CCDC146: variants seen among roughly 807,000 people sequenced by gnomAD.
CCDC146 encodes coiled-coil domain containing 146.
In CCDC146, 92 loss-of-function variants were observed where a neutral mutation model predicts 119.3. The observed-to-expected ratio is 0.77, with a 90% confidence interval of 0.65 to 0.92. The LOEUF (loss-of-function observed/expected upper bound fraction) is 0.92. Among genes scored for constraint, CCDC146 ranks in the 40% least tolerant of loss-of-function variants. CCDC146 has a pLI of 0.00. For missense variants in CCDC146, 1,000 were observed against 1,103.0 expected, an observed-to-expected ratio of 0.91 and a Z score of 1.32; for synonymous variants, 372 against 371.8, an observed-to-expected ratio of 1.00 and a Z score of -0.01.
intron 6 of CCDC146, among the ~76,000 whole-genome samples, chr7:77,256,933 G>T (rs1487044524): frequency 6.6e-6 from 1 of 152,100 alleles, no homozygotes. Flanking sequence ...GTGAAACCCT[G>T]TCTCTACTAA....
intron 2 of CCDC146, among the ~76,000 whole-genome samples, chr7:77,174,597 G>T (rs1320297993): frequency 6.6e-6 from 1 of 152,112 alleles, no homozygotes; most frequent in African/African-American, 2.4e-5. Context: ...ATGTTACCAT[G>T]GCAACAGTAA....
At chr7:77,166,935 A>G (rs539801624) in intron 1 of CCDC146, among the ~76,000 whole-genome samples, 90 of 152,320 alleles carry the variant, frequency 5.9e-4, no homozygotes, top group African/African-American at 2.1e-3. Flanking sequence ...TTTGGTTTTG[A>G]ACAAACTTTC....
intron 2 of CCDC146, among the ~76,000 whole-genome samples, chr7:77,193,187 T>G (rs1158170281): frequency 1.3e-5 from 2 of 152,208 alleles, no homozygotes; most frequent in African/African-American, 4.8e-5. Flanking sequence ...AAAATGAAAC[T>G]GAAACTTTTG....
chr7:77,220,925 A>G lies in CCDC146; in HGVS notation c.157-16022A>G, dbSNP rs1224059342. The stretch of plus-strand genomic sequence containing the variant: ...GTAACTTACAAAGAAAAGAGGTTTA[A>G]TTGGCTCATGGTTCCACAGGCTGTA... On this transcript the variant is annotated intron_variant, in intron 2 of 18. Coordinates refer to ENST00000285871, the MANE Select transcript of CCDC146 (RefSeq NM_020879.3). Among the ~76,000 whole-genome samples, 3 of 152,190 alleles carry G rather than the reference A, an allele frequency of 2.0e-5. No homozygotes were observed. In the East Asian group the frequency reaches 5.8e-4, roughly 29 times the overall value.
intron 9 of CCDC146, 80 bp downstream of exon 9, chr7:77,262,387 G>A (rs1051245150): frequency 7.0e-6 from 8 of 1,145,328 alleles, no homozygotes; most frequent in Non-Finnish European, 8.5e-6. Flanking sequence ...AGTTGTTTTT[G>A]CTGCCAGTAG....
At chr7:77,287,266 C>G (rs781660565) in intron 16 of CCDC146, 174 bp from the exon 17 acceptor site, 1 of 641,876 alleles carries the variant, frequency 1.6e-6, no homozygotes, top group Non-Finnish European at 2.7e-6. Context: ...GGGCCATACT[C>G]GAACTCCCAG....
chr7:77,212,570 G>A (rs186796080), intron 2 of CCDC146, among the ~76,000 whole-genome samples: 108 of 138,616 alleles, frequency 7.8e-4, no homozygotes, highest in Non-Finnish European at 1.4e-3. Context: ...GCAGTGAGCC[G>A]AGATCACGCC....
intron 17 of CCDC146, among the ~76,000 whole-genome samples, chr7:77,292,207 T>C (rs929967366): frequency 1.3e-5 from 2 of 152,026 alleles, no homozygotes; most frequent in African/African-American, 4.8e-5. Flanking sequence ...GGCAGGAGAA[T>C]TGCTTGAGCC....
chr7:77,260,263 T>C (rs1793267661), intron 8 of CCDC146, 27 bp downstream of exon 8: 3 of 1,507,228 alleles, frequency 2.0e-6, no homozygotes, highest in Non-Finnish European at 2.7e-6. Flanking sequence ...TATGTTATGT[T>C]CTGTCATCTA....
intron 1 of CCDC146, among the ~76,000 whole-genome samples, chr7:77,151,958 T>A (rs28579421): frequency 0.011 from 1,665 of 152,298 alleles, 24 homozygotes; most frequent in African/African-American, 0.038. Flanking sequence ...CTCCCGTGCC[T>A]CTCTGTGACC....
chr7:77,247,134 G>A (rs1220824453), intron 4 of CCDC146, among the ~76,000 whole-genome samples: 1 of 151,944 alleles, frequency 6.6e-6, no homozygotes. Flanking sequence ...TGATGGAGTA[G>A]GATTATAATC....
At chr7:77,274,699 G>T (rs768955010) in intron 11 of CCDC146, 47 bp downstream of exon 11, 37 of 1,481,510 alleles carry the variant, frequency 2.5e-5, no homozygotes, top group Non-Finnish European at 3.3e-5. Context: ...AAGAGTTCAG[G>T]GTAGCCTCAT....
chr7:77,180,384 G>A (rs555861137), intron 2 of CCDC146, among the ~76,000 whole-genome samples: 1 of 152,154 alleles, frequency 6.6e-6, no homozygotes, highest in East Asian at 1.9e-4. Flanking sequence ...TATTATGATA[G>A]GCATGCAAAT....
rs768610158 is a variant in CCDC146 at position 77,241,881 on chromosome 7, A to G, written c.430A>G (p.Asn144Asp). 10 of 1,612,752 alleles carry G rather than the reference A, an allele frequency of 6.2e-6. No individual in the cohort carries two copies. The South Asian group carries it at 9.9e-5, about 16-fold the overall frequency. Residue 144 changes from asparagine (N) to aspartate (D), a missense_variant, in exon 4 of 19, where the codon AAT (asparagine) becomes GAT (aspartate). Asn to Asp is a conservative substitution (Grantham distance 23, BLOSUM62 1). Around this residue, in one of 2 missense-constraint regions of CCDC146, gnomAD observed 985 missense variants for 1,045.3 expected, o/e 0.94. Transcript: ENST00000285871. ...YNAVKEREFH[N>D]QYRLNSLKEE... Reference sequence around the variant, plus strand: ...TGCAGTGAAGGAAAGAGAGTTCCATAATCAGTACAGATTAAATAGGTAAGT... The same window carrying G: ...TGCAGTGAAGGAAAGAGAGTTCCATGATCAGTACAGATTAAATAGGTAAGT...
At chr7:77,125,598 T>C (rs1790680720) in intron 1 of CCDC146, among the ~76,000 whole-genome samples, 1 of 151,968 alleles carries the variant, frequency 6.6e-6, no homozygotes, top group East Asian at 1.9e-4. Context: ...GCAGAAGATT[T>C]CTTACCATCT....
chr7:77,200,490 G>T (rs529843530), intron 2 of CCDC146, among the ~76,000 whole-genome samples: 1 of 152,338 alleles, frequency 6.6e-6, no homozygotes, highest in African/African-American at 2.4e-5. Context: ...GGACATAATT[G>T]TCTTTCATCA....
intron 1 of CCDC146, among the ~76,000 whole-genome samples, chr7:77,165,115 A>T (rs953214175): frequency 6.6e-6 from 1 of 152,180 alleles, no homozygotes; most frequent in Non-Finnish European, 1.5e-5. Context: ...CAGTCATCCC[A>T]ATGTCACCAA....
At chr7:77,186,496 G>A (rs1405250491) in intron 2 of CCDC146, among the ~76,000 whole-genome samples, 1 of 152,016 alleles carries the variant, frequency 6.6e-6, no homozygotes, top group African/African-American at 2.4e-5. Flanking sequence ...GCTGGAAAGG[G>A]TAGTGGGGAG....
chr7:77,244,288 A>C (rs1792904264), intron 4 of CCDC146, among the ~76,000 whole-genome samples: 1 of 152,184 alleles, frequency 6.6e-6, no homozygotes, highest in South Asian at 2.1e-4. Flanking sequence ...AGTTACAGTA[A>C]ATTTATTATC....
Sources: gnomAD v4.1 joint callset for allele counts (sites outside exome capture counted in the v4.1 genomes callset) on GRCh38, gnomAD v4.1.1 for gene constraint, gnomAD v4.1.1 regional missense constraint, MANE v1.5 for transcripts, NCBI Gene and HGNC (gene_info 2026-07-23, HGNC 2026-07-21) for gene names.